Variants in EPM2A observed in about 807,000 individuals in gnomAD.
The protein encoded by EPM2A is EPM2A glucan phosphatase, laforin, also known as laforin.
Under a neutral mutation model 26.5 loss-of-function variants are expected in EPM2A, and 21 were observed. That is an observed-to-expected ratio of 0.79 (90% CI 0.56 to 1.14). The LOEUF is 1.14. Among genes scored for constraint, EPM2A ranks in the 50% most tolerant of loss-of-function variants. The pLI is 0.00. For missense variants in EPM2A, 458 were observed against 440.8 expected (o/e 1.04, Z -0.35); for synonymous variants, 217 against 177.6 (o/e 1.22, Z -1.76).
intron 4 of EPM2A, among the ~76,000 whole-genome samples, chr6:145,437,554 T>C (rs1055678749): frequency 1.3e-5 from 2 of 152,234 alleles, no homozygotes; most frequent in Non-Finnish European, 2.9e-5. Context: ...CAAGAATCAG[T>C]TGAAAATGTT....
Position 145,523,085 on chromosome 6 carries a change from T to G in EPM2A, c.341-20510A>C, listed in dbSNP as rs75259089. ...TCAGACATTTTCATACTGTAAATTT[T>G]ACTTTGAATTTGCGTGTTTTCTCTC... On this transcript the variant is annotated intron_variant, in intron 2 of 3. Transcript: ENST00000450221. 4.8e-3 allele frequency among the ~76,000 whole-genome samples: 729 copies of G among 152,350 alleles called. 24 individuals are homozygous for G. In the East Asian group the frequency reaches 0.087, roughly 18 times the overall value.
At chr6:145,612,164 G>C (rs1189298591) in intron 2 of EPM2A, among the ~76,000 whole-genome samples, 2 of 152,114 alleles carry the variant, frequency 1.3e-5, no homozygotes, top group Non-Finnish European at 2.9e-5. Context: ...ATTCATGAAT[G>C]TCAGCTTCTA....
chr6:145,718,810 A>G (rs1775787982), intron 1 of EPM2A, among the ~76,000 whole-genome samples: 1 of 152,238 alleles, frequency 6.6e-6, no homozygotes, highest in African/African-American at 2.4e-5. Flanking sequence ...CAAGTGGGCG[A>G]AGGACATGAA....
intron 2 of EPM2A, among the ~76,000 whole-genome samples, chr6:145,596,453 T>G (rs2128549013): frequency 6.6e-6 from 1 of 152,326 alleles, no homozygotes; most frequent in Non-Finnish European, 1.5e-5. Flanking sequence ...ATGGTTCCTT[T>G]ACCCATTTTC....
At chr6:145,541,298 T>TTG (rs944221055) in intron 2 of EPM2A, among the ~76,000 whole-genome samples, 6 of 146,764 alleles carry the variant, frequency 4.1e-5, no homozygotes, top group African/African-American at 1.2e-4. Context: ...AAACACCAAT[T>TTG]TGTGTGTGTG....
intron 4 of EPM2A, among the ~76,000 whole-genome samples, chr6:145,414,261 T>C (rs1359632568): frequency 1.3e-5 from 2 of 152,034 alleles, no homozygotes; most frequent in Non-Finnish European, 2.9e-5. Flanking sequence ...TTTGTTAGTG[T>C]GGATTTGATA....
chr6:145,698,344 A>G (rs1365023861), intron 1 of EPM2A, among the ~76,000 whole-genome samples: 2 of 152,196 alleles, frequency 1.3e-5, no homozygotes, highest in Non-Finnish European at 2.9e-5. Context: ...AGGTAAGCTC[A>G]AGGCATGCAG....
intron 4 of EPM2A, among the ~76,000 whole-genome samples, chr6:145,482,295 A>C (rs1055168060): frequency 2.6e-5 from 4 of 152,178 alleles, no homozygotes; most frequent in African/African-American, 9.7e-5. Context: ...GGCTTAAAAG[A>C]AATTATGCTG....
intron 4 of EPM2A, among the ~76,000 whole-genome samples, chr6:145,466,743 C>G (rs1189346278): frequency 1.3e-5 from 2 of 152,132 alleles, no homozygotes; most frequent in Non-Finnish European, 1.5e-5. Flanking sequence ...GGAACCAACC[C>G]AAATGTCCAA....
At chr6:145,670,595 T>C (rs1369746436) in intron 2 of EPM2A, among the ~76,000 whole-genome samples, 1 of 152,160 alleles carries the variant, frequency 6.6e-6, no homozygotes, top group Non-Finnish European at 1.5e-5. Context: ...TCTAAATGAC[T>C]CTTAAGAAAC....
intron 2 of EPM2A, among the ~76,000 whole-genome samples, chr6:145,523,226 C>T (rs540669745): frequency 2.1e-4 from 32 of 152,232 alleles, no homozygotes; most frequent in South Asian, 4.1e-4. Flanking sequence ...AAATGATTGA[C>T]GCAATTCTAC....
intron 2 of EPM2A, chr6:145,639,711 TAGAGTG>T (rs1467069068): frequency 6.6e-6 from 1 of 152,192 alleles, no homozygotes; most frequent in Non-Finnish European, 1.5e-5. Flanking sequence ...AAATAATTCC[TAGAGTG>T]AGAAATTATT....
At chr6:145,471,181 T>A (rs900651575) in intron 4 of EPM2A, among the ~76,000 whole-genome samples, 1 of 152,220 alleles carries the variant, frequency 6.6e-6, no homozygotes, top group African/African-American at 2.4e-5. Context: ...TTGTTTTCTT[T>A]GTTGAAAATG....
chr6:145,680,577 T>C (rs1249015129), intron 2 of EPM2A, among the ~76,000 whole-genome samples: 1 of 151,682 alleles, frequency 6.6e-6, no homozygotes, highest in African/African-American at 2.4e-5. Context: ...GAGTGTGATG[T>C]TCCCCTTCCT....
At chr6:145,463,815 A>T (rs750260319) in intron 4 of EPM2A, among the ~76,000 whole-genome samples, 111 of 152,240 alleles carry the variant, frequency 7.3e-4, no homozygotes, top group Middle Eastern at 3.4e-3. Flanking sequence ...AATTTTTGTT[A>T]GATTCTGAAA....
At chr6:145,433,545 A>G (rs1377716930) in intron 4 of EPM2A, among the ~76,000 whole-genome samples, 2 of 151,922 alleles carry the variant, frequency 1.3e-5, no homozygotes, top group Non-Finnish European at 2.9e-5. Context: ...TATTTTAATG[A>G]TTATCCTCAT....
chr6:145,610,855 T>C (rs756632103), intron 2 of EPM2A, among the ~76,000 whole-genome samples: 1 of 152,200 alleles, frequency 6.6e-6, no homozygotes, highest in Admixed American at 6.5e-5. Flanking sequence ...CACTGTATCC[T>C]TTTGTGTGTA....
At chr6:145,675,560 A>C (rs1583027908) in intron 2 of EPM2A, among the ~76,000 whole-genome samples, 1 of 152,212 alleles carries the variant, frequency 6.6e-6, no homozygotes, top group Non-Finnish European at 1.5e-5. Context: ...GCAGAGATAC[A>C]CATAGGCTCA....
At chr6:145,611,838 G>T (rs1775398353) in intron 2 of EPM2A, among the ~76,000 whole-genome samples, 1 of 151,992 alleles carries the variant, frequency 6.6e-6, no homozygotes, top group Admixed American at 6.6e-5. Flanking sequence ...AATATAATTA[G>T]CCAAGTTGTT....
Sources: allele counts gnomAD v4.1 joint callset (sites outside exome capture counted in the v4.1 genomes callset), GRCh38; gene constraint gnomAD v4.1.1; transcripts MANE v1.5; gene names NCBI Gene and HGNC (gene_info 2026-07-23, HGNC 2026-07-21).